Variants in BIRC6 observed in about 807,000 individuals in gnomAD.
The protein encoded by BIRC6 is baculoviral IAP repeat containing 6, also known as dual E2 ubiquitin-conjugating enzyme/E3 ubiquitin-protein ligase BIRC6.
BIRC6 carries 98 observed loss-of-function variants against 503.3 expected under a neutral mutation model. That is an observed-to-expected ratio of 0.19 (90% CI 0.17 to 0.23). The LOEUF is 0.23. Ranked by LOEUF, BIRC6 falls within the 10% of genes least tolerant of loss-of-function variation. The pLI is 1.00. For missense variants in BIRC6, 5,360 were observed against 5,806.0 expected, an observed-to-expected ratio of 0.92 and a Z score of 2.50; for synonymous variants, 2,240 against 2,078.7, an observed-to-expected ratio of 1.08 and a Z score of -2.11.
Position 32,377,213 on chromosome 2 carries a change from ATGTGTGTGTGTGTGTGTGTGTGTG to A in BIRC6, c.326-361_326-338del, listed in dbSNP as rs59912267. Among the ~76,000 whole-genome samples the A allele has an allele frequency of 8.8e-3, 1,269 of 144,256 alleles. 13 individuals are homozygous for A. The highest frequency in any genetic ancestry group is 0.016 in the Non-Finnish European group (1,052 of 65,792). 94.6% of individuals were successfully genotyped at this position (144,256 alleles called of 152,430 possible). A position where few individuals can be genotyped will look rare whatever the true frequency, so the allele number is the denominator to read the frequency against. Reference sequence around the variant, plus strand: ...TTTGCTTATTATTCCCTTAATATATATGTGTGTGTGTGTGTGTGTGTGTGTGTGTGTGTGTGTATACACATCATA... The same window carrying A: ...TTTGCTTATTATTCCCTTAATATATATGTGTGTGTGTGTATACACATCATA... On this transcript the variant is annotated intron_variant, in intron 1 of 73. Transcript: ENST00000421745.
At chr2:32,404,643 ATT>A (rs2040991487) in intron 8 of BIRC6, among the ~76,000 whole-genome samples, 1 of 151,644 alleles carries the variant, frequency 6.6e-6, no homozygotes, top group Admixed American at 6.6e-5. Context: ...GTCACAAAAT[ATT>A]TTAAAAGAAT....
chr2:32,436,252 T>A, intron 15 of BIRC6, 68 bp downstream of exon 15: 1 of 1,246,696 alleles, frequency 8.0e-7, no homozygotes, highest in Non-Finnish European at 1.0e-6. Context: ...GAAAAAAAAC[T>A]GATCTCAAAA....
Position 32,429,300 on chromosome 2 carries a change from G to T in BIRC6, c.3022+5G>T. On this transcript the variant is annotated splice_donor_5th_base_variant and intron_variant, in intron 11 of 73. Coordinates refer to ENST00000421745, the MANE Select transcript of BIRC6 (RefSeq NM_016252.4). ...CTTCAAGTCCTGGCATTTCAGGTAT[G>T]ATATTAAATTTTTAAATGATTTTAA... 6.8e-7 allele frequency: 1 copy of T among 1,479,732 alleles called. No individual in the cohort carries two copies. The highest frequency in any genetic ancestry group is 2.9e-5 in the Admixed American group (1 of 34,656). 91.7% of individuals were successfully genotyped at this position (1,479,732 alleles called of 1,614,324 possible).
Position 32,481,301 on chromosome 2 carries a change from C to A in BIRC6, c.7409-19C>A. ...ATGTGATACACTCCACCAATAAGAT[C>A]ACTTTTAATTATTTGAAGGTGCACC... On this transcript the variant is annotated intron_variant, in intron 37 of 73. Coordinates refer to ENST00000421745, the MANE Select transcript of BIRC6 (RefSeq NM_016252.4). 6.5e-7 allele frequency: 1 copy of A among 1,536,120 alleles called. No homozygotes were observed. The highest frequency in any genetic ancestry group is 2.4e-5 in the East Asian group (1 of 41,964).
In BIRC6 at chr2:32,357,594, G is replaced by T; in HGVS notation, c.325+108G>T. The T allele has an allele frequency of 6.8e-7, 1 of 1,472,272 alleles. No individual in the cohort carries two copies. The highest frequency in any genetic ancestry group is 8.9e-7 in the Non-Finnish European group (1 of 1,119,208). 91.2% of individuals were successfully genotyped at this position (1,472,272 alleles called of 1,614,324 possible). The stretch of plus-strand genomic sequence containing the variant: ...AGCGAGATGGCGAGAGGGCAGGGCT[G>T]GGGGTTCGGGCCCAGCCGTGAAGGG... On this transcript the variant is annotated intron_variant, in intron 1 of 73. Coordinates refer to ENST00000421745, the MANE Select transcript of BIRC6 (RefSeq NM_016252.4). The surrounding 1 kb of genome is among the most constrained non-coding windows in gnomAD (Gnocchi z 4.9).
intron 71 of BIRC6, among the ~76,000 whole-genome samples, chr2:32,603,720 T>G (rs1023642111): frequency 2.6e-5 from 4 of 151,970 alleles, no homozygotes; most frequent in Non-Finnish European, 4.4e-5. Flanking sequence ...GGAGACTCTA[T>G]CTAAAAAATA....
At chr2:32,383,375 A>C (rs2037973674) in intron 3 of BIRC6, among the ~76,000 whole-genome samples, 1 of 152,190 alleles carries the variant, frequency 6.6e-6, no homozygotes, top group Admixed American at 6.5e-5. Context: ...GGTCAAGAGG[A>C]TGTATAATAG....
At position 32,515,040 on chromosome 2, in the gene BIRC6, A is replaced by G; in HGVS notation, c.10619A>G (p.Lys3540Arg). 6.2e-7 allele frequency: 1 copy of G among 1,613,910 alleles called. No individual in the cohort carries two copies. The highest frequency in any genetic ancestry group is 8.5e-7 in the Non-Finnish European group (1 of 1,179,848). Residue 3540 changes from lysine to arginine, a missense_variant, in exon 55 of 74, where the codon AAA becomes AGA. This residue lies in a region of BIRC6 where 878 missense variants were observed against 928.9 expected (regional missense o/e 0.95). Transcript: ENST00000421745. ...CTTCCCTGCAATATGGTTTTGAAGA[A>G]AGCTGTTGACAGTCTACTTTGCTCA... The part of the protein sequence containing the change: ...MSLPCNMVLK[K>R]AVDSLLCSMC...
chr2:32,373,224 G>C (rs2036233122), intron 1 of BIRC6, among the ~76,000 whole-genome samples: 1 of 149,710 alleles, frequency 6.7e-6, no homozygotes, highest in South Asian at 2.1e-4. Context: ...TATTTCTGCA[G>C]GAAAAAAAAA....
intron 22 of BIRC6, among the ~76,000 whole-genome samples, chr2:32,450,506 G>A (rs1275518985): frequency 6.6e-6 from 1 of 152,084 alleles, no homozygotes; most frequent in East Asian, 1.9e-4. Flanking sequence ...GTCTCATTGT[G>A]TTGTTCCTCA....
intron 36 of BIRC6, 73 bp downstream of exon 36, chr2:32,478,891 G>A (rs1364839505): frequency 5.5e-6 from 8 of 1,460,010 alleles, no homozygotes; most frequent in Non-Finnish European, 6.7e-6. Flanking sequence ...TCTTCAAAGG[G>A]ATCTTTAACC....
At chr2:32,602,761 T>C in intron 70 of BIRC6, 1 of 405,348 alleles carries the variant, frequency 2.5e-6, no homozygotes, top group South Asian at 8.7e-5. Context: ...TAAAATGTTA[T>C]TTGTGTTGAC....
intron 11 of BIRC6, 35 bp downstream of exon 11, chr2:32,429,330 A>G (rs2043853441): frequency 2.2e-6 from 3 of 1,383,206 alleles, no homozygotes; most frequent in Non-Finnish European, 2.9e-6. Flanking sequence ...TTTTAAAAAA[A>G]GAATAGGTAG....
At chr2:32,380,844 G>A (rs2149407599) in intron 3 of BIRC6, among the ~76,000 whole-genome samples, 1 of 152,284 alleles carries the variant, frequency 6.6e-6, no homozygotes, top group Non-Finnish European at 1.5e-5. Context: ...CTTTCTTAGT[G>A]CCTGATGGAC....
At chr2:32,374,117 C>T (rs752582288) in intron 1 of BIRC6, among the ~76,000 whole-genome samples, 9 of 152,040 alleles carry the variant, frequency 5.9e-5, no homozygotes, top group Non-Finnish European at 1.2e-4. Flanking sequence ...GGATAAACAA[C>T]AGCATGAATA....
intron 10 of BIRC6, among the ~76,000 whole-genome samples, chr2:32,417,140 T>C (rs72798777): frequency 0.16 from 24,415 of 151,812 alleles, 2,037 homozygotes; most frequent in Admixed American, 0.22. Context: ...CCAGGCCTTT[T>C]CTTTTCTTTC....
intron 22 of BIRC6, among the ~76,000 whole-genome samples, chr2:32,452,113 A>C (rs2046793186): frequency 6.6e-6 from 1 of 152,198 alleles, no homozygotes; most frequent in Admixed American, 6.5e-5. Flanking sequence ...TGAATATGCA[A>C]GCATTTTAAA....
intron 61 of BIRC6, among the ~76,000 whole-genome samples, chr2:32,539,084 A>G (rs959222975): frequency 1.3e-4 from 20 of 152,224 alleles, no homozygotes; most frequent in Non-Finnish European, 1.9e-4. Context: ...ATGTATCACA[A>G]AGTTGAATTA....
Position 32,415,117 on chromosome 2 carries a change from A to G in BIRC6, c.1826A>G (p.Asp609Gly). The G allele has an allele frequency of 1.2e-6, 2 of 1,613,946 alleles. No homozygotes were observed. The highest frequency in any genetic ancestry group is 1.3e-5 in the African/African-American group (1 of 75,056). The stretch of plus-strand genomic sequence containing the variant: ...AGTATATCAGAACAAGGGTCAACTG[A>G]CAATGAATCCTGCACTAATTCAGAA... ...GESISEQGST[D>G]NESCTNSELN... The change falls in exon 10 of 74, where the codon GAC (aspartate) becomes GGC (glycine). Residue 609 changes from aspartate (D) to glycine (G), a missense_variant. Physicochemically the swap from Asp to Gly is moderately conservative, Grantham distance 94. Transcript: ENST00000421745.
Sources: allele counts gnomAD v4.1 joint callset (sites outside exome capture counted in the v4.1 genomes callset), GRCh38; gene constraint gnomAD v4.1.1; regional missense constraint gnomAD v4.1.1; non-coding constraint Gnocchi (gnomAD v3.1); transcripts MANE v1.5; gene names NCBI Gene and HGNC (gene_info 2026-07-23, HGNC 2026-07-21).